The following SNTG1 variants were observed in gnomAD, a reference collection of about 807,000 sequenced individuals.
SNTG1 encodes syntrophin gamma 1.
Under a neutral mutation model 74.7 loss-of-function variants are expected in SNTG1, and 39 were observed. The observed-to-expected ratio is 0.52, with a 90% CI of 0.40 to 0.68. SNTG1 has a LOEUF of 0.68. SNTG1 is among the 30% of genes least tolerant of loss of function. The pLI is 0.00. For synonymous variants in SNTG1, 254 were observed against 217.1 expected, an observed-to-expected ratio of 1.17 and a Z score of -1.49; for missense variants, 685 against 609.5, an observed-to-expected ratio of 1.12 and a Z score of -1.30.
intron 13 of SNTG1, chr8:50,644,011 C>T (rs1326141607): frequency 1.3e-5 from 2 of 152,014 alleles, no homozygotes; most frequent in Non-Finnish European, 2.9e-5. Context: ...TAAATGAGTC[C>T]ATCACAGCTC....
At chr8:50,739,001 G>A (rs1300211101) in intron 17 of SNTG1, among the ~76,000 whole-genome samples, 2 of 152,076 alleles carry the variant, frequency 1.3e-5, no homozygotes, top group African/African-American at 4.8e-5. Flanking sequence ...ACATAGGCAT[G>A]AGCAAAGACT....
chr8:50,244,923 A>T (rs775468448), intron 2 of SNTG1, among the ~76,000 whole-genome samples: 14 of 152,200 alleles, frequency 9.2e-5, no homozygotes, highest in Non-Finnish European at 1.8e-4. Flanking sequence ...GCTAGGATTA[A>T]TTTTCATTTG....
intron 1 of SNTG1, among the ~76,000 whole-genome samples, chr8:49,960,924 C>T (rs1249830327): frequency 6.6e-6 from 1 of 152,044 alleles, no homozygotes; most frequent in African/African-American, 2.4e-5. Flanking sequence ...TGGAGGACTC[C>T]CTAGGGCCCT....
intron 15 of SNTG1, among the ~76,000 whole-genome samples, chr8:50,691,264 G>T (rs2095377710): frequency 6.6e-6 from 1 of 152,088 alleles, no homozygotes; most frequent in Non-Finnish European, 1.5e-5. Flanking sequence ...GGTTAATATT[G>T]TTATGTGTGT....
intron 17 of SNTG1, among the ~76,000 whole-genome samples, chr8:50,742,794 G>T (rs148637039): frequency 6.6e-6 from 1 of 151,726 alleles, no homozygotes; most frequent in Non-Finnish European, 1.5e-5. Context: ...TAGCCTGATT[G>T]TCTCAACAAG....
intron 2 of SNTG1, among the ~76,000 whole-genome samples, chr8:50,184,306 CA>C (rs1781840671): frequency 1.3e-5 from 2 of 151,962 alleles, no homozygotes; most frequent in African/African-American, 4.8e-5. Context: ...GCTGGGATTA[CA>C]GGTGCCCACC....
intron 1 of SNTG1, among the ~76,000 whole-genome samples, chr8:49,924,282 T>A (rs1223333945): frequency 6.6e-6 from 1 of 152,048 alleles, no homozygotes; most frequent in Non-Finnish European, 1.5e-5. Context: ...ATGTACTTTA[T>A]AGAGGAAAAA....
intron 2 of SNTG1, among the ~76,000 whole-genome samples, chr8:50,324,439 T>C (rs1318565003): frequency 6.6e-6 from 1 of 152,202 alleles, no homozygotes; most frequent in African/African-American, 2.4e-5. Flanking sequence ...ACTGTGATTG[T>C]TCACATGATT....
At chr8:50,484,835 G>A (rs1407838876) in intron 8 of SNTG1, among the ~76,000 whole-genome samples, 4 of 150,954 alleles carry the variant, frequency 2.6e-5, no homozygotes, top group Non-Finnish European at 4.4e-5. Flanking sequence ...CTCCAACCTG[G>A]GCAACAAGAG....
chr8:50,380,646 A>G (rs925000613), intron 2 of SNTG1, among the ~76,000 whole-genome samples: 1 of 152,176 alleles, frequency 6.6e-6, no homozygotes, highest in Non-Finnish European at 1.5e-5. Flanking sequence ...AGAGGTGCAT[A>G]TCTTTATCAG....
intron 1 of SNTG1, among the ~76,000 whole-genome samples, chr8:49,994,924 G>A (rs1814063671): frequency 6.6e-6 from 1 of 152,042 alleles, no homozygotes. Flanking sequence ...ATGCCCTCAT[G>A]GGTCTTATAA....
At chr8:50,787,133 A>G (rs918821504) in intron 18 of SNTG1, among the ~76,000 whole-genome samples, 2 of 151,926 alleles carry the variant, frequency 1.3e-5, no homozygotes, top group African/African-American at 4.8e-5. Flanking sequence ...TCAGAGAAAA[A>G]AAAAGAAAAG....
chr8:50,306,219 C>T (rs12547038), intron 2 of SNTG1, among the ~76,000 whole-genome samples: 24,079 of 151,846 alleles, frequency 0.16, 2,315 homozygotes, highest in Middle Eastern at 0.28. Flanking sequence ...CTGCAAAGGA[C>T]GTTATTTCAT....
At chr8:49,975,342 A>C (rs2130032222) in intron 1 of SNTG1, among the ~76,000 whole-genome samples, 1 of 152,306 alleles carries the variant, frequency 6.6e-6, no homozygotes, top group South Asian at 2.1e-4. Context: ...TTTCATATTA[A>C]GAATACCCGA....
At chr8:50,668,804 A>C (rs892912476) in intron 15 of SNTG1, among the ~76,000 whole-genome samples, 2 of 151,978 alleles carry the variant, frequency 1.3e-5, no homozygotes, top group African/African-American at 2.4e-5. Flanking sequence ...TGCAAAGGAC[A>C]TGATCTCATT....
intron 1 of SNTG1, among the ~76,000 whole-genome samples, chr8:50,153,127 C>T (rs368818527): frequency 2.0e-5 from 3 of 152,072 alleles, no homozygotes; most frequent in East Asian, 3.9e-4. Context: ...TTTCTCTAAA[C>T]TTCTCTTCTC....
At chr8:50,411,167 G>A (rs1161287640) in intron 4 of SNTG1, among the ~76,000 whole-genome samples, 5 of 152,072 alleles carry the variant, frequency 3.3e-5, no homozygotes, top group African/African-American at 1.2e-4. Flanking sequence ...AGAAAAGGAA[G>A]GCCGGGTGCG....
chr8:50,401,523 A>T (rs2092805301), intron 3 of SNTG1, among the ~76,000 whole-genome samples: 1 of 152,160 alleles, frequency 6.6e-6, no homozygotes, highest in African/African-American at 2.4e-5. Flanking sequence ...TCCAATTTTA[A>T]TTAACTGTGT....
At position 50,302,834 on chromosome 8, in the gene SNTG1, C is replaced by A. The variant is rs577977794; in HGVS notation, c.-27-91378C>A. Among the ~76,000 whole-genome samples the A allele has an allele frequency of 4.6e-5, 7 of 152,230 alleles. No individual in the cohort carries two copies. The East Asian group carries it at 1.2e-3, about 25-fold the overall frequency. On this transcript the variant is annotated intron_variant, in intron 2 of 18. Coordinates refer to ENST00000642720, the MANE Select transcript of SNTG1 (RefSeq NM_018967.5). ...CCACAGCTGTGAGCCAAAGAAACTT[C>A]TTTTCTTTATAAATCACCCTATATG...
Sources: allele counts gnomAD v4.1 joint callset (sites outside exome capture counted in the v4.1 genomes callset), GRCh38; gene constraint gnomAD v4.1.1; transcripts MANE v1.5; gene names NCBI Gene and HGNC (gene_info 2026-07-23, HGNC 2026-07-21).